GPSM1: variants seen among roughly 807,000 people sequenced by gnomAD.
GPSM1 encodes G protein signaling modulator 1, also known as G protein-signaling modulator 1.
GPSM1 carries 48 observed loss-of-function variants against 70.5 expected under a neutral mutation model. The observed-to-expected ratio is 0.68, with a 90% CI of 0.54 to 0.87. GPSM1 has a LOEUF of 0.87. Ranked by LOEUF, GPSM1 falls within the 40% of genes least tolerant of loss-of-function variation. GPSM1 has a pLI of 0.00. For missense variants in GPSM1, 981 were observed against 972.6 expected (o/e 1.01, Z -0.11); for synonymous variants, 416 against 430.1 (o/e 0.97, Z 0.41).
At chr9:136,349,468 C>A in intron 10 of GPSM1, 119 bp from the exon 11 acceptor site, 2 of 883,886 alleles carry the variant, frequency 2.3e-6, no homozygotes, top group East Asian at 5.6e-5. Flanking sequence ...TCTCTGGGTA[C>A]TGGGCACCTA....
At chr9:136,356,848 G>A (rs1246323967) in intron 13 of GPSM1, among the ~76,000 whole-genome samples, 2 of 152,190 alleles carry the variant, frequency 1.3e-5, no homozygotes, top group Non-Finnish European at 2.9e-5. Flanking sequence ...GGGGCTGGGG[G>A]GTCACAGGTC....
chr9:136,358,336 A>G lies in GPSM1; in HGVS notation c.*116A>G. On this transcript the variant is annotated 3_prime_UTR_variant, in exon 14 of 14. Transcript: ENST00000440944. ...GGACAGGCACTGGGCATGCAGCCCC[A>G]CGGCCTCCCCGACCCAGGGCGACAG... The G allele has an allele frequency of 1.0e-6, 1 of 977,724 alleles. No homozygotes were observed. Among genetic ancestry groups the G allele is most frequent in the African/African-American group, 1.7e-5 (1 of 59,968 alleles). The allele number at this position is 977,724 out of a possible 1,614,324, so 60.6% of individuals were successfully genotyped here. A position where few individuals can be genotyped will look rare whatever the true frequency, so the allele number is the denominator to read the frequency against.
Position 136,341,601 on chromosome 9 carries a change from T to G in GPSM1, c.1207+608T>G. The G allele has an allele frequency of 9.9e-7, 1 of 1,012,642 alleles. No individual in the cohort carries two copies. The highest frequency in any genetic ancestry group is 1.2e-6 in the Non-Finnish European group (1 of 845,870). The allele number at this position is 1,012,642 out of a possible 1,614,324, so 62.7% of individuals were successfully genotyped here. ...GGTTGGGCCGACTTCCTGAGGTGGC[T>G]GGCAGGTGGGTGAGGGGCAGGCTTG... On this transcript the variant is annotated intron_variant, in intron 9 of 13. Coordinates refer to ENST00000440944, the MANE Select transcript of GPSM1 (RefSeq NM_001145638.3). The surrounding 1 kb of genome is among the most constrained non-coding windows in gnomAD (Gnocchi z 6.7).
intron 1 of GPSM1, among the ~76,000 whole-genome samples, chr9:136,329,877 G>T (rs185795802): frequency 6.8e-6 from 1 of 147,280 alleles, no homozygotes; most frequent in South Asian, 2.2e-4. Flanking sequence ...GCCCCTGGGT[G>T]CTGGGTCGGT....
chr9:136,333,188 G>C (rs1832143378), intron 1 of GPSM1, among the ~76,000 whole-genome samples: 1 of 152,216 alleles, frequency 6.6e-6, no homozygotes, highest in Non-Finnish European at 1.5e-5. Context: ...CCCCCAAGCT[G>C]CGCCCTTGCT....
Position 136,348,783 on chromosome 9 carries a change from G to C in GPSM1, c.1278+16G>C. The C allele has an allele frequency of 1.3e-6, 2 of 1,595,952 alleles. No homozygotes were observed. The highest frequency in any genetic ancestry group is 1.1e-5 in the South Asian group (1 of 90,464). On this transcript the variant is annotated intron_variant, in intron 10 of 13. Transcript: ENST00000440944. ...CCTGGAGCGGGTGAGCCAGGGACAC[G>C]GGACCGATGTCAGCACAGCCGCTGC...
At position 136,329,019 on chromosome 9, in the gene GPSM1, C is replaced by T. The variant is rs1263871493; in HGVS notation, c.68+1256C>T. Among the ~76,000 whole-genome samples the T allele has an allele frequency of 5.3e-5, 8 of 151,978 alleles. No individual in the cohort carries two copies. The East Asian group carries it at 7.7e-4, about 15-fold the overall frequency. ...AGTGTGTGTGTGGAGCTGTGAGAGA[C>T]GGGTGTCCAAGACCTTAGCCTTGGG... On this transcript the variant is annotated intron_variant, in intron 1 of 13. Coordinates refer to ENST00000440944, the MANE Select transcript of GPSM1 (RefSeq NM_001145638.3).
chr9:136,341,294 G>A lies in GPSM1; in HGVS notation c.1207+301G>A, dbSNP rs542863799. 7.6e-6 allele frequency: 11 copies of A among 1,455,500 alleles called. No individual in the cohort carries two copies. The highest frequency in any genetic ancestry group is 5.0e-5 in the East Asian group (2 of 40,198). The allele number at this position is 1,455,500 out of a possible 1,614,324, so 90.2% of individuals were successfully genotyped here. On this transcript the variant is annotated intron_variant, in intron 9 of 13. Coordinates refer to ENST00000440944, the MANE Select transcript of GPSM1 (RefSeq NM_001145638.3). The surrounding 1 kb of genome is among the most constrained non-coding windows in gnomAD (Gnocchi z 6.7). ...ACCCCCACCTCCCCCTGGAGCCCTC[G>A]GTGCAGGGAGGGCTTCTGTCCTCAG...
chr9:136,339,685 ATCTGGTCTCCCTC>A lies in GPSM1; in HGVS notation c.975-16_975-4del. 6.7e-7 allele frequency: 1 copy of A among 1,501,572 alleles called. No individual in the cohort carries two copies. Among genetic ancestry groups the A allele is most frequent in the Non-Finnish European group, 9.1e-7 (1 of 1,102,656 alleles). 93.0% of individuals were successfully genotyped at this position (1,501,572 alleles called of 1,614,324 possible). ...GCTGGCCTGGAGAGGGCGGGTATGA[ATCTGGTCTCCCTC>A]TCTGGCAGAGTGGGCGAGGGCCGGG... On this transcript the variant is annotated splice_polypyrimidine_tract_variant and intron_variant, in intron 7 of 13. Coordinates refer to ENST00000440944, the MANE Select transcript of GPSM1 (RefSeq NM_001145638.3).
In GPSM1 at chr9:136,337,572, G is replaced by T. The variant is rs782398365; in HGVS notation, c.702+8G>T. 5.1e-6 allele frequency: 8 copies of T among 1,554,738 alleles called. No homozygotes were observed. The South Asian group carries it at 8.3e-5, about 16-fold the overall frequency. ...ACGACCTTCCACAAGGAGGTGAGCC[G>T]GGCAGGGTGACAGGGTGGAGGGGCC... On this transcript the variant is annotated splice_region_variant and intron_variant, in intron 5 of 13. Transcript: ENST00000440944.
intron 1 of GPSM1, among the ~76,000 whole-genome samples, chr9:136,332,529 G>A (rs1383636043): frequency 6.6e-6 from 1 of 152,216 alleles, no homozygotes; most frequent in South Asian, 2.1e-4. Flanking sequence ...CTCCGATGTT[G>A]CCTGGAAGGA....
rs782374343 is a variant in GPSM1, at chr9:136,349,743, C to T, written c.1435C>T (p.Arg479Trp). The change falls in exon 11 of 14, where the codon CGG (arginine) becomes TGG (tryptophan). Residue 479 changes from arginine (R) to tryptophan (W), a missense_variant. Arg to Trp is a moderately radical substitution (Grantham distance 101). Transcript: ENST00000440944. ...CTCCCCGCTGGACAGCGCCGACGTC[C>T]GGGTGCACGTGCCACGCACGGTAGG... Reference protein sequence around the residue: ...SHSPLDSADVRVHVPRTSIPR... With the variant: ...SHSPLDSADVWVHVPRTSIPR... 7.6e-6 allele frequency: 12 copies of T among 1,581,126 alleles called. No homozygotes were observed. Among genetic ancestry groups the T allele is most frequent in the African/African-American group, 2.7e-5 (2 of 74,450 alleles).
At chr9:136,348,639 C>A in intron 9 of GPSM1, 58 bp from the exon 10 acceptor site, 1 of 1,342,612 alleles carries the variant, frequency 7.4e-7, no homozygotes, top group Non-Finnish European at 1.0e-6. Flanking sequence ...TCTGGCCTGG[C>A]CCACCCAATG....
At position 136,356,378 on chromosome 9, in the gene GPSM1, A is replaced by G. The variant is rs1554773148; in HGVS notation, c.1649A>G (p.Glu550Gly). The G allele has an allele frequency of 6.2e-7, 1 of 1,604,934 alleles. No individual in the cohort carries two copies. The highest frequency in any genetic ancestry group is 8.5e-7 in the Non-Finnish European group (1 of 1,175,380). ...PSMTASPQTE[E>G]FFDLIASSQS... ...ATGACGGCCTCGCCCCAGACCGAGG[A>G]ATTCTTCGACCTCATCGCCAGCTCC... Residue 550 changes from glutamate (E) to glycine (G), a missense_variant, in exon 13 of 14, where the codon GAA becomes GGA. Coordinates refer to ENST00000440944, the MANE Select transcript of GPSM1 (RefSeq NM_001145638.3).
chr9:136,348,117 T>C (rs1242023307), intron 9 of GPSM1, among the ~76,000 whole-genome samples: 3 of 151,962 alleles, frequency 2.0e-5, no homozygotes, highest in Non-Finnish European at 4.4e-5. Context: ...ACACGGCCAG[T>C]AGGGTGAGCC....
chr9:136,347,473 A>G (rs1292164952), intron 9 of GPSM1, among the ~76,000 whole-genome samples: 1 of 152,106 alleles, frequency 6.6e-6, no homozygotes, highest in Non-Finnish European at 1.5e-5. Context: ...GGGTCCTCCC[A>G]GCTGCGAGAG....
chr9:136,331,868 T>G (rs1332721293), intron 1 of GPSM1: 2 of 396,286 alleles, frequency 5.0e-6, no homozygotes, highest in Non-Finnish European at 8.9e-6. Flanking sequence ...GCTGGAGGAC[T>G]GGCAGTCCCC....
chr9:136,353,227 G>C, intron 11 of GPSM1: 1 of 494,780 alleles, frequency 2.0e-6, no homozygotes, highest in Middle Eastern at 1.1e-3. Context: ...GAAGCCGGGT[G>C]GGGTGGTCTT....
intron 9 of GPSM1, among the ~76,000 whole-genome samples, chr9:136,344,278 G>A (rs146291405): frequency 6.6e-6 from 1 of 152,010 alleles, no homozygotes; most frequent in African/African-American, 2.4e-5. Flanking sequence ...ACAGGAACAG[G>A]GGAAGCAGGC....
Sources: allele counts gnomAD v4.1 joint callset (sites outside exome capture counted in the v4.1 genomes callset), GRCh38; gene constraint gnomAD v4.1.1; non-coding constraint Gnocchi (gnomAD v3.1); transcripts MANE v1.5; gene names NCBI Gene and HGNC (gene_info 2026-07-23, HGNC 2026-07-21).